Variants in ARHGAP22 observed in about 807,000 individuals in gnomAD.
ARHGAP22 encodes Rho GTPase activating protein 22.
In ARHGAP22, 48 loss-of-function variants were observed where a neutral mutation model predicts 59.1. The ratio of observed to expected loss-of-function variants is 0.81; its 90% CI spans 0.64 to 1.03. The LOEUF (loss-of-function observed/expected upper bound fraction) is 1.03. ARHGAP22 is among the 50% of genes least tolerant of loss of function. The pLI is 0.00. For missense variants in ARHGAP22, 1,015 were observed against 958.7 expected (o/e 1.06, Z -0.78); for synonymous variants, 445 against 416.4 (o/e 1.07, Z -0.84).
chr10:48,577,791 C>T (rs2058821106), intron 2 of ARHGAP22, among the ~76,000 whole-genome samples: 1 of 109,986 alleles, frequency 9.1e-6, no homozygotes. Flanking sequence ...GATCTAACTG[C>T]TCTTTTTTGG....
At chr10:48,476,026 T>G (rs1390567675) in intron 4 of ARHGAP22, among the ~76,000 whole-genome samples, 2 of 152,184 alleles carry the variant, frequency 1.3e-5, no homozygotes, top group African/African-American at 4.8e-5. Context: ...ACCCTATCTC[T>G]TGTGTTCCCC....
At chr10:48,498,655 G>A (rs1225205603) in intron 3 of ARHGAP22, among the ~76,000 whole-genome samples, 7 of 152,244 alleles carry the variant, frequency 4.6e-5, no homozygotes, top group East Asian at 3.9e-4. Flanking sequence ...TCTAGCTGGC[G>A]TAAGAAGGGC....
intron 1 of ARHGAP22, among the ~76,000 whole-genome samples, chr10:48,649,232 C>G (rs1259580870): frequency 2.0e-5 from 3 of 152,202 alleles, no homozygotes; most frequent in Non-Finnish European, 4.4e-5. Context: ...GTCCCCTATT[C>G]TCTCAGGACA....
intron 4 of ARHGAP22, among the ~76,000 whole-genome samples, chr10:48,477,111 G>T (rs537960416): frequency 6.6e-6 from 1 of 152,156 alleles, no homozygotes; most frequent in Non-Finnish European, 1.5e-5. Flanking sequence ...AGATATGTAT[G>T]CCCCTCTCCC....
chr10:48,631,928 T>C (rs2136099641), intron 1 of ARHGAP22, among the ~76,000 whole-genome samples: 1 of 152,364 alleles, frequency 6.6e-6, no homozygotes, highest in East Asian at 1.9e-4. Flanking sequence ...TTTTTGTTTG[T>C]CTGGGAAAGT....
At chr10:48,654,820 T>TCC (rs1350610036), upstream of ARHGAP22, among the ~76,000 whole-genome samples, 48 of 70,138 alleles carry the variant, frequency 6.8e-4, no homozygotes, top group African/African-American at 1.5e-3. Flanking sequence ...CTTTCTTTCT[T>TCC]TCTTTCTTCC....
chr10:48,455,116 C>G lies in ARHGAP22; in HGVS notation c.678G>C (p.Thr226=). The change falls in exon 6 of 10, where the codon ACG becomes ACC. Residue 226 remains threonine, a synonymous_variant. Transcript: ENST00000249601. ...GGTACAGCTTCAGCAGGGAGGCCAC[C>G]GTGTGCACGTCTGTTGTGCTGTGGG... is the stretch of plus-strand genomic sequence containing the variant. ...PLFDSTTDVH[T]VASLLKLYLR... The G allele has an allele frequency of 6.2e-7, 1 of 1,611,140 alleles. No homozygotes were observed. The highest frequency in any genetic ancestry group is 8.5e-7 in the Non-Finnish European group (1 of 1,178,952).
the ARHGAP22 span, chr10:48,431,292 G>A: frequency 1.9e-6 from 3 of 1,543,284 alleles, no homozygotes; most frequent in Non-Finnish European, 2.7e-6. Context: ...TATAAGCTTG[G>A]TTAAGATTAC....
chr10:48,438,259 C>T, the ARHGAP22 span: 1 of 152,220 alleles, frequency 6.6e-6, no homozygotes, highest in Non-Finnish European at 1.5e-5. Flanking sequence ...AATGTTGCCT[C>T]TCCGTATCCT....
In ARHGAP22 at chr10:48,479,755, C is replaced by G. The variant is rs1198051480; in HGVS notation, c.332G>C (p.Gly111Ala). ...GTTGGCCGGCACCTTCTCCCGCTCC[C>G]CGGCACCACCTGCAAGACAGGGAGA... ...HLFEISPGGA[G>A]EREKVPANPE... The change falls in exon 4 of 10, where the codon GGG becomes GCG. Residue 111 changes from glycine to alanine, a missense_variant. Gly to Ala is a moderately conservative substitution (Grantham distance 60). Transcript: ENST00000249601. 2.5e-6 allele frequency: 4 copies of G among 1,590,050 alleles called. No individual in the cohort carries two copies. The highest frequency in any genetic ancestry group is 3.4e-6 in the Non-Finnish European group (4 of 1,166,626).
chr10:48,447,802 C>T (rs1000375245), intron 9 of ARHGAP22, among the ~76,000 whole-genome samples: 2 of 152,232 alleles, frequency 1.3e-5, no homozygotes, highest in Admixed American at 1.3e-4. Flanking sequence ...TTGGTGAACA[C>T]CTTCCCTCAG....
chr10:48,507,936 G>GA (rs1256939409), intron 3 of ARHGAP22, among the ~76,000 whole-genome samples: 9 of 139,468 alleles, frequency 6.5e-5, no homozygotes, highest in Non-Finnish European at 1.3e-4. Flanking sequence ...GGTGGGGGGG[G>GA]ATCTGAACAT....
chr10:48,570,352 G>A (rs114743515), intron 2 of ARHGAP22, among the ~76,000 whole-genome samples: 1,975 of 152,248 alleles, frequency 0.013, 41 homozygotes, highest in African/African-American at 0.045. Context: ...TGTCCCCCAG[G>A]ACATTTTAAA....
In ARHGAP22 at chr10:48,555,540, G is replaced by T. The variant is rs2057244624; in HGVS notation, c.245C>A (p.Ser82Tyr). ...TTCAGTCACCTGTGTCCCTTGTAGA[G>T]AAATAAATCCCTAAAAAGGAGGCAA... ...KDEIKPQGFI[S>Y]LQGTQVTELP... The change falls in exon 3 of 10, where the codon TCT becomes TAT. Residue 82 changes from serine (S) to tyrosine (Y), a missense_variant. Transcript: ENST00000249601. 1 of 1,614,030 alleles carries T rather than the reference G, an allele frequency of 6.2e-7. No individual in the cohort carries two copies. Among genetic ancestry groups the T allele is most frequent in the African/African-American group, 1.3e-5 (1 of 74,934 alleles).
At chr10:48,575,355 T>C (rs2058645081) in intron 2 of ARHGAP22, 1 of 152,240 alleles carries the variant, frequency 6.6e-6, no homozygotes, top group African/African-American at 2.4e-5. Context: ...TTTGTTTTTG[T>C]TTTTGACGTG....
At chr10:48,557,560 C>A (rs144741444) in intron 2 of ARHGAP22, among the ~76,000 whole-genome samples, 1 of 152,208 alleles carries the variant, frequency 6.6e-6, no homozygotes, top group Admixed American at 6.5e-5. Flanking sequence ...CTGTGCCCAC[C>A]GCCCACAAGG....
At chr10:48,538,364 C>T (rs1756559345) in intron 3 of ARHGAP22, among the ~76,000 whole-genome samples, 1 of 152,222 alleles carries the variant, frequency 6.6e-6, no homozygotes, top group African/African-American at 2.4e-5. Flanking sequence ...CTCATTGCAT[C>T]TGCATGAATT....
chr10:48,556,728 G>C (rs1730445466), intron 2 of ARHGAP22: 1 of 152,226 alleles, frequency 6.6e-6, no homozygotes, highest in African/African-American at 2.4e-5. Context: ...GGTACACAGT[G>C]AGAACTGTGT....
At chr10:48,607,891 A>T (rs780888009), upstream of ARHGAP22, among the ~76,000 whole-genome samples, 2 of 152,268 alleles carry the variant, frequency 1.3e-5, no homozygotes, top group African/African-American at 2.4e-5. Context: ...GGAAGGCAGA[A>T]GGCATCTATT....
Sources: allele counts gnomAD v4.1 joint callset (sites outside exome capture counted in the v4.1 genomes callset), GRCh38; gene constraint gnomAD v4.1.1; transcripts MANE v1.5; gene names NCBI Gene and HGNC (gene_info 2026-07-23, HGNC 2026-07-21).